The following RNF157 variants were observed in gnomAD, a reference collection of about 807,000 sequenced individuals.
RNF157 encodes the protein ring finger protein 157.
A neutral mutation model predicts 88.3 loss-of-function variants in RNF157; 55 were observed. The ratio of observed to expected loss-of-function variants is 0.62; its 90% confidence interval spans 0.50 to 0.78. The LOEUF is 0.78. Among genes scored for constraint, RNF157 ranks in the 30% least tolerant of loss-of-function variants. The pLI is 0.00. For missense variants in RNF157, 788 were observed against 860.8 expected (o/e 0.92, Z 1.06); for synonymous variants, 334 against 341.2 (o/e 0.98, Z 0.23).
chr17:76,166,651 G>A, intron 5 of RNF157, 124 bp from the exon 6 acceptor site: 1 of 810,290 alleles, frequency 1.2e-6, no homozygotes, highest in Non-Finnish European at 2.0e-6. Context: ...TCATTCTTTA[G>A]CCTTGTTAAT....
Position 76,240,180 on chromosome 17 carries a change from A to C in RNF157, c.61T>G (p.Ser21Ala). Reference sequence around the variant, plus strand: ...GACTTGGGCGGGTAGCGGTACACGGAATTAGACGGGATGTCCACCTCCTCC... The same window carrying C: ...GACTTGGGCGGGTAGCGGTACACGGCATTAGACGGGATGTCCACCTCCTCC... ...GVEEVDIPSN[S>A]VYRYPPKSGS... Residue 21 changes from serine to alanine, a missense_variant, in exon 1 of 19, where the codon TCC becomes GCC. Coordinates refer to ENST00000269391, the MANE Select transcript of RNF157 (RefSeq NM_052916.3). This position sits in a 1 kb window ranked among gnomAD's most constrained non-coding sequence, Gnocchi z 4.4. The C allele has an allele frequency of 1.4e-6, 2 of 1,405,356 alleles. No homozygotes were observed. Among genetic ancestry groups the C allele is most frequent in the Non-Finnish European group, 9.4e-7 (1 of 1,067,068 alleles). The allele number at this position is 1,405,356 out of a possible 1,614,324, so 87.1% of individuals were successfully genotyped here. A position where few individuals can be genotyped will look rare whatever the true frequency, so the allele number is the denominator to read the frequency against.
chr17:76,232,018 C>A (rs2070200847), intron 1 of RNF157, among the ~76,000 whole-genome samples: 1 of 152,156 alleles, frequency 6.6e-6, no homozygotes, highest in African/African-American at 2.4e-5. Context: ...CATCTAGTTT[C>A]TTTCCCTTAG....
intron 18 of RNF157, among the ~76,000 whole-genome samples, chr17:76,150,372 C>T (rs903869012): frequency 1.3e-5 from 2 of 152,160 alleles, no homozygotes; most frequent in African/African-American, 4.8e-5. Flanking sequence ...TCCCAGTCCT[C>T]ACTCTCCTCC....
At chr17:76,220,265 C>T (rs1437100380) in intron 1 of RNF157, among the ~76,000 whole-genome samples, 3 of 151,518 alleles carry the variant, frequency 2.0e-5, no homozygotes, top group African/African-American at 7.3e-5. Flanking sequence ...AGGGTCATAT[C>T]CAAGGGACTC....
chr17:76,155,923 G>A (rs191102088), intron 14 of RNF157, among the ~76,000 whole-genome samples, 189 bp from the exon 15 acceptor site: 1 of 152,316 alleles, frequency 6.6e-6, no homozygotes, highest in East Asian at 1.9e-4. Flanking sequence ...TTAGAGCTCA[G>A]AACTCAGCCT....
At chr17:76,185,765 G>A (rs1296498406) in intron 2 of RNF157, among the ~76,000 whole-genome samples, 3 of 152,060 alleles carry the variant, frequency 2.0e-5, no homozygotes, top group South Asian at 2.1e-4. Flanking sequence ...CACCGCGCCC[G>A]GCCGAGATTA....
Position 76,159,475 on chromosome 17 carries a change from C to T in RNF157, c.1164G>A (p.Val388=). 2.5e-6 allele frequency: 4 copies of T among 1,609,916 alleles called. No individual in the cohort carries two copies. The highest frequency in any genetic ancestry group is 3.4e-6 in the Non-Finnish European group (4 of 1,178,536). The change falls in exon 12 of 19, where the codon GTG becomes GTA. Residue 388 remains valine (V), a synonymous_variant. Transcript: ENST00000269391. ...TTCCTGAGAGGTGGCCATCTCCAAGCACGTGAAGTGGAGGAACTGCTGGGG... is the reference window on the plus strand; with the variant it reads ...TTCCTGAGAGGTGGCCATCTCCAAGTACGTGAAGTGGAGGAACTGCTGGGG... ...TPSPAVPPLH[V]LGDGHLSGML...
chr17:76,182,451 C>CTGTGTG (rs5822121), intron 2 of RNF157, among the ~76,000 whole-genome samples: 16,414 of 143,976 alleles, frequency 0.11, 949 homozygotes, highest in African/African-American at 0.14. Context: ...CGCATTTAGT[C>CTGTGTG]TGTGTGTGTG....
rs546496088 is a variant in RNF157, at chr17:76,158,308, G to A, written c.1413+85C>T. On this transcript the variant is annotated intron_variant, in intron 13 of 18. Transcript: ENST00000269391. ...GACAAGGTGTTTGATGAGTGAATGA[G>A]AGCAGAGGGACCTGATGAGGCATGC... is the stretch of plus-strand genomic sequence containing the variant. The A allele has an allele frequency of 9.4e-4, 834 of 887,854 alleles. 1 individual carries two copies. Among genetic ancestry groups the A allele is most frequent in the Admixed American group, 2.2e-3 (128 of 58,414 alleles). The allele number at this position is 887,854 out of a possible 1,614,324, so 55.0% of individuals were successfully genotyped here.
chr17:76,220,453 A>G (rs191111968), intron 1 of RNF157, among the ~76,000 whole-genome samples: 59 of 151,852 alleles, frequency 3.9e-4, no homozygotes, highest in Non-Finnish European at 6.5e-4. Context: ...TTTGGAAACT[A>G]GCAATTAAAG....
intron 2 of RNF157, among the ~76,000 whole-genome samples, chr17:76,190,016 G>A (rs1462592381): frequency 6.6e-6 from 1 of 152,164 alleles, no homozygotes; most frequent in African/African-American, 2.4e-5. Context: ...GGAGAGAGCC[G>A]CAGAGTCCCA....
chr17:76,211,969 C>T (rs2069808846), intron 2 of RNF157: 2 of 158,040 alleles, frequency 1.3e-5, no homozygotes, highest in Non-Finnish European at 2.8e-5. Flanking sequence ...TAAAAACAGT[C>T]CTTGCCTTAT....
chr17:76,234,244 T>C (rs1456829600), intron 1 of RNF157, among the ~76,000 whole-genome samples: 1 of 152,272 alleles, frequency 6.6e-6, no homozygotes, highest in African/African-American at 2.4e-5. Context: ...AATATTCTAT[T>C]GTGCAGACTT....
At chr17:76,222,435 G>C (rs1164099730) in intron 1 of RNF157, among the ~76,000 whole-genome samples, 1 of 151,978 alleles carries the variant, frequency 6.6e-6, no homozygotes. Flanking sequence ...TTCACTTTAA[G>C]ATAATTTTAT....
rs2068846888 is a variant in RNF157 at position 76,161,659 on chromosome 17, A to C, written c.953-12T>G. 1 of 1,608,244 alleles carries C rather than the reference A, an allele frequency of 6.2e-7. No homozygotes were observed. The highest frequency in any genetic ancestry group is 1.3e-5 in the African/African-American group (1 of 74,656). On this transcript the variant is annotated splice_polypyrimidine_tract_variant and intron_variant, in intron 10 of 18. Coordinates refer to ENST00000269391, the MANE Select transcript of RNF157 (RefSeq NM_052916.3). The surrounding 1 kb of genome is among the most constrained non-coding windows in gnomAD (Gnocchi z 4.6). ...CAGTGCCCGGAAGGCTGTGAAGGAG[A>C]AAACAGGCAATCAGGACATCCTGAT...
intron 1 of RNF157, 116 bp from the exon 2 acceptor site, chr17:76,212,598 A>C: frequency 4.6e-6 from 3 of 654,908 alleles, no homozygotes; most frequent in Non-Finnish European, 7.9e-6. Flanking sequence ...GTGGTGGCTC[A>C]CACCTGTAAT....
At position 76,161,905 on chromosome 17, in the gene RNF157, A is replaced by G; in HGVS notation, c.890T>C (p.Leu297Pro). Residue 297 changes from leucine (L) to proline (P), a missense_variant, in exon 10 of 19, where the codon CTC (leucine) becomes CCC (proline). Transcript: ENST00000269391. The surrounding 1 kb of genome is among the most constrained non-coding windows in gnomAD (Gnocchi z 4.6). Reference sequence around the variant, plus strand: ...CAGCGTGTCTGCACAGGTGTTACAGAGGCAGAGGTGGCGACAGGGCAGAAT... The same window carrying G: ...CAGCGTGTCTGCACAGGTGTTACAGGGGCAGAGGTGGCGACAGGGCAGAAT... ...TLILPCRHLC[L>P]CNTCADTLRY... 1 of 1,614,208 alleles carries G rather than the reference A, an allele frequency of 6.2e-7. No individual in the cohort carries two copies. Among genetic ancestry groups the G allele is most frequent in the Non-Finnish European group, 8.5e-7 (1 of 1,180,038 alleles).
chr17:76,194,611 C>T (rs2069442416), intron 2 of RNF157, among the ~76,000 whole-genome samples: 1 of 152,204 alleles, frequency 6.6e-6, no homozygotes, highest in South Asian at 2.1e-4. Flanking sequence ...GTATAATATA[C>T]AGTACCAGAC....
At chr17:76,235,585 T>C (rs1294381811) in intron 1 of RNF157, among the ~76,000 whole-genome samples, 3 of 152,252 alleles carry the variant, frequency 2.0e-5, no homozygotes, top group African/African-American at 4.8e-5. Context: ...TTAAAACTTT[T>C]ATAGTTATTC....
Sources: gnomAD v4.1 joint callset for allele counts (sites outside exome capture counted in the v4.1 genomes callset) on GRCh38, gnomAD v4.1.1 for gene constraint, Gnocchi (gnomAD v3.1) non-coding constraint, MANE v1.5 for transcripts, NCBI Gene and HGNC (gene_info 2026-07-23, HGNC 2026-07-21) for gene names.